NKD1: variants seen among roughly 807,000 people sequenced by gnomAD.
NKD1 encodes protein naked cuticle homolog 1.
NKD1 carries 21 observed loss-of-function variants against 56.0 expected under a neutral mutation model. The ratio of observed to expected loss-of-function variants is 0.38; its 90% CI spans 0.27 to 0.54. The LOEUF (loss-of-function observed/expected upper bound fraction) is 0.54. Ranked by LOEUF, NKD1 falls within the 20% of genes least tolerant of loss-of-function variation. The probability of loss-of-function intolerance (pLI) is 0.82; values close to 1 mark genes in which losing one functional copy is unlikely to be tolerated. For synonymous variants in NKD1, 263 were observed against 265.7 expected (o/e 0.99, Z 0.10); for missense variants, 578 against 642.7 (o/e 0.90, Z 1.09).
In NKD1 at chr16:50,635,310, TC is replaced by T. The variant is rs1436578616; in HGVS notation, c.*1531del. 1 of 152,342 alleles carries T rather than the reference TC, an allele frequency of 6.6e-6. No individual in the cohort carries two copies. Among genetic ancestry groups the T allele is most frequent in the Admixed American group, 6.5e-5 (1 of 15,280 alleles). 9.4% of individuals were successfully genotyped at this position (152,342 alleles called of 1,614,324 possible). ...GGGAAATTAATATCCTGACCTGCTT[TC>T]CTGCCCCCCAGCCCCCTCAATCCAT... is the stretch of plus-strand genomic sequence containing the variant. On this transcript the variant is annotated 3_prime_UTR_variant, in exon 10 of 10. Coordinates refer to ENST00000268459, the MANE Select transcript of NKD1 (RefSeq NM_033119.5). This position sits in a 1 kb window ranked among gnomAD's most constrained non-coding sequence, Gnocchi z 4.1.
At chr16:50,613,887 C>T (rs978269992) in intron 4 of NKD1, among the ~76,000 whole-genome samples, 3 of 152,266 alleles carry the variant, frequency 2.0e-5, no homozygotes, top group South Asian at 2.1e-4. Flanking sequence ...ATGTCAAAGC[C>T]GAGTGGCCAC....
chr16:50,609,660 C>T (rs1961798379), intron 4 of NKD1, among the ~76,000 whole-genome samples: 1 of 152,182 alleles, frequency 6.6e-6, no homozygotes, highest in African/African-American at 2.4e-5. Context: ...CCTGCTGAAT[C>T]CGATCTGCAT....
intron 3 of NKD1, among the ~76,000 whole-genome samples, chr16:50,559,260 C>T (rs971596118): frequency 1.3e-5 from 2 of 152,156 alleles, no homozygotes; most frequent in Non-Finnish European, 2.9e-5. Context: ...TAGTGATCAC[C>T]TGGATGTGTG....
chr16:50,594,883 G>A (rs972287793), intron 3 of NKD1, among the ~76,000 whole-genome samples: 5 of 152,230 alleles, frequency 3.3e-5, no homozygotes, highest in African/African-American at 4.8e-5. Flanking sequence ...GTCTAAAGAA[G>A]TAAGGAGACC....
chr16:50,615,730 TCA>T (rs762571000), intron 4 of NKD1, among the ~76,000 whole-genome samples: 2 of 152,204 alleles, frequency 1.3e-5, no homozygotes, highest in East Asian at 1.9e-4. Flanking sequence ...GTTTTTAAGC[TCA>T]GTTTCCTCTT....
intron 6 of NKD1, among the ~76,000 whole-genome samples, chr16:50,626,362 C>A (rs903051252): frequency 6.6e-6 from 1 of 152,122 alleles, no homozygotes. Flanking sequence ...TAACTGTGAG[C>A]GGTGATGTGT....
chr16:50,582,947 C>T (rs1282699446), intron 3 of NKD1, among the ~76,000 whole-genome samples: 2 of 152,170 alleles, frequency 1.3e-5, no homozygotes, highest in African/African-American at 4.8e-5. Flanking sequence ...GCAGAGGTTG[C>T]AGTGAGCCGA....
At chr16:50,587,585 T>A (rs1008480686) in intron 3 of NKD1, among the ~76,000 whole-genome samples, 1 of 152,204 alleles carries the variant, frequency 6.6e-6, no homozygotes, top group Middle Eastern at 3.2e-3. Flanking sequence ...AAAGAAGGTG[T>A]GGGTCACTAA....
At chr16:50,563,919 A>T (rs1398135800) in intron 3 of NKD1, among the ~76,000 whole-genome samples, 1 of 146,334 alleles carries the variant, frequency 6.8e-6, no homozygotes, top group Non-Finnish European at 1.5e-5. Flanking sequence ...CATGGAGAAG[A>T]CCCTGTGTGT....
intron 6 of NKD1, among the ~76,000 whole-genome samples, chr16:50,626,417 A>G (rs192516206): frequency 1.1e-3 from 167 of 152,238 alleles, no homozygotes; most frequent in African/African-American, 3.8e-3. Context: ...ACTGGCTGGA[A>G]GGTCCAGGGG....
chr16:50,586,360 C>T (rs1961229589), intron 3 of NKD1, among the ~76,000 whole-genome samples: 1 of 140,350 alleles, frequency 7.1e-6, no homozygotes, highest in Admixed American at 7.8e-5. Context: ...CACTGAGTCA[C>T]AGAGGCGTCT....
chr16:50,586,524 T>C (rs1264033398), intron 3 of NKD1, among the ~76,000 whole-genome samples: 1 of 152,048 alleles, frequency 6.6e-6, no homozygotes, highest in Non-Finnish European at 1.5e-5. Context: ...GGGTTAATAA[T>C]AGGCCCCATC....
chr16:50,562,983 A>ACCCCCCC (rs1483596865), intron 3 of NKD1, among the ~76,000 whole-genome samples: 17 of 53,514 alleles, frequency 3.2e-4, no homozygotes, highest in African/African-American at 8.0e-4. Flanking sequence ...AGGTCCCACC[A>ACCCCCCC]CCACCCCCCC....
intron 3 of NKD1, among the ~76,000 whole-genome samples, chr16:50,593,674 G>A (rs750129728): frequency 6.6e-6 from 1 of 152,030 alleles, no homozygotes; most frequent in Non-Finnish European, 1.5e-5. Context: ...CCCACACCAT[G>A]TGGGTGAGAG....
In NKD1 at chr16:50,598,748, T is replaced by A. The variant is rs953931702; in HGVS notation, c.193-9546T>A. Among the ~76,000 whole-genome samples, 1 of 151,940 alleles carries A rather than the reference T, an allele frequency of 6.6e-6. No homozygotes were observed. The highest frequency in any genetic ancestry group is 1.5e-5 in the Non-Finnish European group (1 of 67,974). On this transcript the variant is annotated intron_variant, in intron 3 of 9. Transcript: ENST00000268459. The surrounding 1 kb of genome is among the most constrained non-coding windows in gnomAD (Gnocchi z 4.2). Reference sequence around the variant, plus strand: ...GGCCAGTGGCTGGGCTAGTCAGCAGTGTGGCAGGTGGTGGCATGGTGGGGC... The same window carrying A: ...GGCCAGTGGCTGGGCTAGTCAGCAGAGTGGCAGGTGGTGGCATGGTGGGGC...
rs771683069 is a variant in NKD1, at chr16:50,633,404, G to A, written c.1036G>A (p.Val346Met). ...CACCCAGGACGGGAGCAAGCACTTT[G>A]TGAGGTCCCCCAAGGCCCAGGGCAA... ...RGTQDGSKHF[V>M]RSPKAQGKSV... The change falls in exon 10 of 10, where the codon GTG becomes ATG. Residue 346 changes from valine to methionine, a missense_variant. Val to Met is a conservative substitution (Grantham distance 21). Transcript: ENST00000268459. This position sits in a 1 kb window ranked among gnomAD's most constrained non-coding sequence, Gnocchi z 4.9. The A allele has an allele frequency of 6.2e-7, 1 of 1,613,686 alleles. No homozygotes were observed. Among genetic ancestry groups the A allele is most frequent in the Non-Finnish European group, 8.5e-7 (1 of 1,179,844 alleles).
At chr16:50,625,617 A>ACCCGC in intron 6 of NKD1, 37 bp downstream of exon 6, 2 of 1,326,648 alleles carry the variant, frequency 1.5e-6, no homozygotes, top group Non-Finnish European at 2.2e-6. Context: ...CGTGTATCAT[A>ACCCGC]CCCGCAGGCA....
intron 2 of NKD1, 112 bp downstream of exon 2, chr16:50,548,861 T>C (rs1960301269): frequency 2.5e-6 from 3 of 1,201,790 alleles, no homozygotes; most frequent in Non-Finnish European, 3.2e-6. Flanking sequence ...GAAGCCCCAG[T>C]TCCGGCCACC....
intron 5 of NKD1, among the ~76,000 whole-genome samples, chr16:50,622,576 T>C (rs1962116981): frequency 6.6e-6 from 1 of 152,168 alleles, no homozygotes; most frequent in South Asian, 2.1e-4. Context: ...GCTATACACT[T>C]AGTAGCTCTG....
Sources: gnomAD v4.1 joint callset for allele counts (sites outside exome capture counted in the v4.1 genomes callset) on GRCh38, gnomAD v4.1.1 for gene constraint, Gnocchi (gnomAD v3.1) non-coding constraint, MANE v1.5 for transcripts, NCBI Gene and HGNC (gene_info 2026-07-23, HGNC 2026-07-21) for gene names.